ETS2: variants seen among roughly 807,000 people sequenced by gnomAD.
The protein encoded by ETS2 is protein C-ets-2.
Under a neutral mutation model 54.9 loss-of-function variants are expected in ETS2, and 19 were observed. That is an observed-to-expected ratio of 0.35 (90% CI 0.24 to 0.51). The LOEUF (loss-of-function observed/expected upper bound fraction) is 0.51. ETS2 is among the 20% of genes least tolerant of loss of function. The pLI is 0.97. For synonymous variants in ETS2, 219 were observed against 229.3 expected, an observed-to-expected ratio of 0.95 and a Z score of 0.41; for missense variants, 417 against 593.0, an observed-to-expected ratio of 0.70 and a Z score of 3.08.
At chr21:38,809,174 A>G (rs1601424726) in intron 1 of ETS2, among the ~76,000 whole-genome samples, 1 of 152,214 alleles carries the variant, frequency 6.6e-6, no homozygotes, top group African/African-American at 2.4e-5. Flanking sequence ...ATGTATAAAA[A>G]TTATTGAGCT....
intron 8 of ETS2, 72 bp downstream of exon 8, chr21:38,819,838 A>C: frequency 1.4e-6 from 2 of 1,456,442 alleles, no homozygotes; most frequent in East Asian, 2.4e-5. Context: ...TTCGAGCCAC[A>C]GTACCACATT....
intron 2 of ETS2, among the ~76,000 whole-genome samples, chr21:38,810,754 G>A (rs1389055343): frequency 1.3e-5 from 2 of 152,184 alleles, no homozygotes. Flanking sequence ...ATTGTTTTCA[G>A]TATTATGTAG....
In ETS2 at chr21:38,822,763, C is replaced by T. The variant is rs1394497777; in HGVS notation, c.1284C>T (p.Asn428=). ...SRGLRYYYDK[N]IIHKTSGKRY... is the part of the protein sequence containing the mutation. ...GCTTACGCTACTATTACGACAAGAA[C>T]ATCATCCACAAGACGTCGGGGAAGC... Residue 428 remains asparagine (N), a synonymous_variant, in exon 10 of 10, where the codon AAC becomes AAT. Coordinates refer to ENST00000360938, the MANE Select transcript of ETS2 (RefSeq NM_005239.6). 1 of 1,614,230 alleles carries T rather than the reference C, an allele frequency of 6.2e-7. No homozygotes were observed. The highest frequency in any genetic ancestry group is 8.5e-7 in the Non-Finnish European group (1 of 1,180,034).
rs567494567 is a variant in ETS2, at chr21:38,818,360, G to T, written c.590-65G>T. 888 of 1,608,488 alleles carry T rather than the reference G, an allele frequency of 5.5e-4. 1 individual carries two copies. Among genetic ancestry groups the T allele is most frequent in the Non-Finnish European group, 7.2e-4 (847 of 1,178,346 alleles). On this transcript the variant is annotated intron_variant, in intron 6 of 9. Coordinates refer to ENST00000360938, the MANE Select transcript of ETS2 (RefSeq NM_005239.6). ...CGGAGTGCTCACCTGTCATTTGCTC[G>T]TAGGGGTTAGTTACTGGGGTAACAC... is the stretch of plus-strand genomic sequence containing the variant.
chr21:38,818,110 C>T (rs1204906914), intron 6 of ETS2, among the ~76,000 whole-genome samples: 1 of 152,208 alleles, frequency 6.6e-6, no homozygotes, highest in Non-Finnish European at 1.5e-5. Context: ...CTGAGCCTTA[C>T]TCTCCTCGGA....
chr21:38,821,617 C>T lies in ETS2; in HGVS notation c.1107C>T (p.Leu369=), dbSNP rs1430305345. Residue 369 remains leucine, a synonymous_variant, in exon 9 of 10, where the codon CTC becomes CTT. Transcript: ENST00000360938. This position sits in a 1 kb window ranked among gnomAD's most constrained non-coding sequence, Gnocchi z 4.2. The stretch of plus-strand genomic sequence containing the variant: ...GACCTATTCAGCTGTGGCAGTTTCT[C>T]CTGGAGCTGCTATCAGACAAATCCT... ...GSGPIQLWQF[L]LELLSDKSCQ... is the part of the protein sequence containing the mutation. The T allele has an allele frequency of 4.3e-6, 7 of 1,614,102 alleles. No individual in the cohort carries two copies. The African/African-American group carries it at 6.7e-5, about 15-fold the overall frequency.
chr21:38,814,206 C>G lies in ETS2; in HGVS notation c.185-67C>G. The G allele has an allele frequency of 6.6e-7, 1 of 1,518,028 alleles. No homozygotes were observed. Among genetic ancestry groups the G allele is most frequent in the Non-Finnish European group, 9.1e-7 (1 of 1,104,396 alleles). 94.0% of individuals were successfully genotyped at this position (1,518,028 alleles called of 1,614,324 possible). ...TTCTTTTCCAAAAACTAAGATGTCT[C>G]TCCTAAATCTCCACCTGATATCACC... On this transcript the variant is annotated intron_variant, in intron 3 of 9. Coordinates refer to ENST00000360938, the MANE Select transcript of ETS2 (RefSeq NM_005239.6). This position sits in a 1 kb window ranked among gnomAD's most constrained non-coding sequence, Gnocchi z 4.2.
At chr21:38,809,875 C>T in intron 1 of ETS2, 160 bp from the exon 2 acceptor site, 1 of 571,102 alleles carries the variant, frequency 1.8e-6, no homozygotes, top group Non-Finnish European at 3.1e-6. Context: ...CCTCTTGAGA[C>T]CTTTGGGAGG....
chr21:38,812,978 A>G, intron 2 of ETS2, 25 bp from the exon 3 acceptor site: 1 of 1,512,792 alleles, frequency 6.6e-7, no homozygotes, highest in Non-Finnish European at 9.2e-7. Context: ...TTGTATTTCC[A>G]TTTTTTTTCC....
chr21:38,814,737 C>G lies in ETS2; in HGVS notation c.305-44C>G. 1 of 1,563,698 alleles carries G rather than the reference C, an allele frequency of 6.4e-7. No individual in the cohort carries two copies. On this transcript the variant is annotated intron_variant, in intron 4 of 9. Transcript: ENST00000360938. The surrounding 1 kb of genome is among the most constrained non-coding windows in gnomAD (Gnocchi z 4.2). ...TGACAGTGGTCTCACTACCTTTCCA[C>G]TGTTTTTACCTCATGTGTTCCATTT...
intron 1 of ETS2, 25 bp from the exon 2 acceptor site, chr21:38,810,010 T>C (rs1053743868): frequency 6.5e-7 from 1 of 1,533,882 alleles, no homozygotes; most frequent in Non-Finnish European, 8.8e-7. Flanking sequence ...TTTGCCTCTT[T>C]GACTTTTTTT....
rs142958770 is a variant in ETS2, at chr21:38,814,872, C to T, written c.396C>T (p.Phe132=). The change falls in exon 5 of 10, where the codon TTC becomes TTT. Residue 132 remains phenylalanine (F), a synonymous_variant. Coordinates refer to ENST00000360938, the MANE Select transcript of ETS2 (RefSeq NM_005239.6). This position sits in a 1 kb window ranked among gnomAD's most constrained non-coding sequence, Gnocchi z 4.2. ...FSLVNVNLQR[F]GMNGQMLCNL... ...TGGTGAACGTGAATCTGCAGAGGTT[C>T]GGCATGAATGGCCAGATGCTGTGTA... The T allele has an allele frequency of 2.5e-5, 40 of 1,614,042 alleles. No homozygotes were observed. In the African/African-American group the frequency reaches 2.7e-4, roughly 11 times the overall value.
chr21:38,817,113 CT>C, intron 6 of ETS2, 22 bp downstream of exon 6: 1 of 1,497,350 alleles, frequency 6.7e-7, no homozygotes, highest in South Asian at 1.1e-5. Flanking sequence ...TGATTCTGCC[CT>C]TAAGAACTTT....
chr21:38,808,590 A>ATATGTGTGTGTG (rs1555886350), intron 1 of ETS2, among the ~76,000 whole-genome samples: 2 of 148,234 alleles, frequency 1.3e-5, no homozygotes, highest in South Asian at 4.3e-4. Flanking sequence ...GTGTGTGTGT[A>ATATGTGTGTGTG]TGTGTGTGTG....
In ETS2 at chr21:38,806,070, G is replaced by C; in HGVS notation, c.-51G>C. The C allele has an allele frequency of 3.4e-6, 4 of 1,160,840 alleles. No homozygotes were observed. Among genetic ancestry groups the C allele is most frequent in the Non-Finnish European group, 4.3e-6 (4 of 932,248 alleles). 71.9% of individuals were successfully genotyped at this position (1,160,840 alleles called of 1,614,324 possible). On this transcript the variant is annotated 5_prime_UTR_variant, in exon 1 of 10. Transcript: ENST00000360938. This position sits in a 1 kb window ranked among gnomAD's most constrained non-coding sequence, Gnocchi z 4.3. ...CGGCGCGCACCGAGCAGCCGCGGGC[G>C]CCGAGCAGCCACCGTCCCGACCAAG...
intron 2 of ETS2, among the ~76,000 whole-genome samples, chr21:38,811,824 G>T (rs28393803): frequency 6.6e-6 from 1 of 151,888 alleles, no homozygotes; most frequent in Non-Finnish European, 1.5e-5. Flanking sequence ...GGTGATTTGG[G>T]TTTTTTTTGT....
rs1051808971 is a variant in ETS2, at chr21:38,822,838, G to A, written c.1359G>A (p.Thr453=). ...VCDLQNLLGF[T]PEELHAILGV... is the part of the protein sequence containing the mutation. ...ACCTCCAGAACTTGCTGGGGTTCAC[G>A]CCCGAGGAACTGCACGCCATCCTGG... The change falls in exon 10 of 10, where the codon ACG becomes ACA. Residue 453 remains threonine (T), a synonymous_variant. Transcript: ENST00000360938. 24 of 1,610,706 alleles carry A rather than the reference G, an allele frequency of 1.5e-5. No individual in the cohort carries two copies. Among genetic ancestry groups the A allele is most frequent in the African/African-American group, 6.7e-5 (5 of 74,860 alleles).
chr21:38,806,230 C>A lies in ETS2; in HGVS notation c.-1+110C>A. ...GGGCACTGACACGCAGATCTCGGGG[C>A]GCTGCCGGGGGTGCAGGTGGGGGTG... On this transcript the variant is annotated intron_variant, in intron 1 of 9. Coordinates refer to ENST00000360938, the MANE Select transcript of ETS2 (RefSeq NM_005239.6). The surrounding 1 kb of genome is among the most constrained non-coding windows in gnomAD (Gnocchi z 4.3). 1 of 986,858 alleles carries A rather than the reference C, an allele frequency of 1.0e-6. No homozygotes were observed. The highest frequency in any genetic ancestry group is 1.2e-6 in the Non-Finnish European group (1 of 830,044). The allele number at this position is 986,858 out of a possible 1,614,324, so 61.1% of individuals were successfully genotyped here.
chr21:38,806,073 G>T lies in ETS2; in HGVS notation c.-48G>T. On this transcript the variant is annotated 5_prime_UTR_variant, in exon 1 of 10. Coordinates refer to ENST00000360938, the MANE Select transcript of ETS2 (RefSeq NM_005239.6). The surrounding 1 kb of genome is among the most constrained non-coding windows in gnomAD (Gnocchi z 4.3). ...CGCGCACCGAGCAGCCGCGGGCGCCGAGCAGCCACCGTCCCGACCAAGCGC... is the reference window on the plus strand; with the variant it reads ...CGCGCACCGAGCAGCCGCGGGCGCCTAGCAGCCACCGTCCCGACCAAGCGC... 8.6e-7 allele frequency: 1 copy of T among 1,157,032 alleles called. No homozygotes were observed. 71.7% of individuals were successfully genotyped at this position (1,157,032 alleles called of 1,614,324 possible). A position where few individuals can be genotyped will look rare whatever the true frequency, so the allele number is the denominator to read the frequency against.
Sources: gnomAD v4.1 joint callset for allele counts (sites outside exome capture counted in the v4.1 genomes callset) on GRCh38, gnomAD v4.1.1 for gene constraint, Gnocchi (gnomAD v3.1) non-coding constraint, MANE v1.5 for transcripts, NCBI Gene and HGNC (gene_info 2026-07-23, HGNC 2026-07-21) for gene names.